CSTF3: variants seen among roughly 807,000 people sequenced by gnomAD.
CSTF3 encodes CF-1 77 kDa subunit.
CSTF3 carries 29 observed loss-of-function variants against 105.8 expected under a neutral mutation model. The ratio of observed to expected loss-of-function variants is 0.27; its 90% CI spans 0.20 to 0.37. The LOEUF (loss-of-function observed/expected upper bound fraction) is 0.37. Ranked by LOEUF, CSTF3 falls within the 10% of genes least tolerant of loss-of-function variation. The probability of loss-of-function intolerance (pLI) is 1.00; values close to 1 mark genes in which losing one functional copy is unlikely to be tolerated. For synonymous variants in CSTF3, 252 were observed against 281.9 expected (o/e 0.89, Z 1.06); for missense variants, 357 against 879.3 (o/e 0.41, Z 7.51).
chr11:33,093,515 T>A (rs1253022556), intron 15 of CSTF3, among the ~76,000 whole-genome samples: 3 of 152,188 alleles, frequency 2.0e-5, no homozygotes, highest in African/African-American at 7.2e-5. Flanking sequence ...ACAAGCCACA[T>A]ATGGAATTTA....
intron 7 of CSTF3, 83 bp downstream of exon 7, chr11:33,105,800 G>A (rs893570308): frequency 1.3e-5 from 19 of 1,507,994 alleles, no homozygotes; most frequent in Admixed American, 4.2e-5. Flanking sequence ...ATGGAAAATA[G>A]TATGGAGATT....
intron 1 of CSTF3, among the ~76,000 whole-genome samples, chr11:33,145,602 G>C (rs774794416): frequency 2.8e-4 from 43 of 151,984 alleles, no homozygotes; most frequent in Middle Eastern, 6.8e-3. Flanking sequence ...CACTAGGTCA[G>C]GAGAACAGAA....
intron 1 of CSTF3, among the ~76,000 whole-genome samples, chr11:33,154,596 A>G (rs961174410): frequency 1.3e-5 from 2 of 148,400 alleles, no homozygotes; most frequent in Non-Finnish European, 3.0e-5. Flanking sequence ...TCCCGGGTTC[A>G]AGTGATTATC....
intron 17 of CSTF3, among the ~76,000 whole-genome samples, chr11:33,087,951 TC>T (rs1565000785): frequency 3.3e-5 from 5 of 152,080 alleles, no homozygotes; most frequent in African/African-American, 1.2e-4. Flanking sequence ...TCAGAGGAGC[TC>T]CTCTGCTCCA....
chr11:33,098,777 A>G lies in CSTF3; in HGVS notation c.1054-13T>C. 6.7e-7 allele frequency: 1 copy of G among 1,485,950 alleles called. No individual in the cohort carries two copies. Among genetic ancestry groups the G allele is most frequent in the Non-Finnish European group, 9.0e-7 (1 of 1,115,024 alleles). 92.0% of individuals were successfully genotyped at this position (1,485,950 alleles called of 1,614,324 possible). ...ACTTCATGCGACTCTAAGGTGGTAC[A>G]GAAGAAGTGAGTATCAACATATGGT... On this transcript the variant is annotated splice_polypyrimidine_tract_variant and intron_variant, in intron 12 of 20. Transcript: ENST00000323959.
intron 1 of CSTF3, among the ~76,000 whole-genome samples, chr11:33,161,079 C>G (rs1036787728): frequency 5.3e-5 from 8 of 152,038 alleles, no homozygotes; most frequent in African/African-American, 1.9e-4. Context: ...CCGCTATTGT[C>G]TAAATCAAGT....
At position 33,099,276 on chromosome 11, in the gene CSTF3, C is replaced by A; in HGVS notation, c.937-126G>T. On this transcript the variant is annotated intron_variant, in intron 11 of 20. Coordinates refer to ENST00000323959, the MANE Select transcript of CSTF3 (RefSeq NM_001326.3). The surrounding 1 kb of genome is among the most constrained non-coding windows in gnomAD (Gnocchi z 4.1). ...AAGAAAGCATACATGTATGTACACA[C>A]ATATATATGTATCCACACACACACA... The A allele has an allele frequency of 8.7e-7, 1 of 1,155,616 alleles. No homozygotes were observed. The highest frequency in any genetic ancestry group is 1.2e-6 in the Non-Finnish European group (1 of 830,512). The allele number at this position is 1,155,616 out of a possible 1,614,324, so 71.6% of individuals were successfully genotyped here.
chr11:33,107,890 T>C lies in CSTF3; in HGVS notation c.356+13A>G, dbSNP rs763817152. 22 of 1,516,934 alleles carry C rather than the reference T, an allele frequency of 1.5e-5. 1 individual carries two copies. In the African/African-American group the frequency reaches 1.9e-4, roughly 13 times the overall value. 94.0% of individuals were successfully genotyped at this position (1,516,934 alleles called of 1,614,324 possible). On this transcript the variant is annotated intron_variant, in intron 5 of 20. Coordinates refer to ENST00000323959, the MANE Select transcript of CSTF3 (RefSeq NM_001326.3). Reference sequence around the variant, plus strand: ...GAGATGACTTGCATTCTTAAGATCCTGGTTTCACTTACTTGTAACTTGGTA... The same window carrying C: ...GAGATGACTTGCATTCTTAAGATCCCGGTTTCACTTACTTGTAACTTGGTA...
intron 9 of CSTF3, among the ~76,000 whole-genome samples, chr11:33,102,882 G>A (rs1033433863): frequency 6.6e-6 from 1 of 152,052 alleles, no homozygotes; most frequent in African/African-American, 2.4e-5. Flanking sequence ...TATGTCTTCT[G>A]TTTCCATATT....
At chr11:33,137,452 T>C (rs1855666802) in intron 3 of CSTF3, among the ~76,000 whole-genome samples, 1 of 151,854 alleles carries the variant, frequency 6.6e-6, no homozygotes, top group Admixed American at 6.6e-5. Context: ...TGTTATAGAA[T>C]GGATAGGGAA....
intron 1 of CSTF3, among the ~76,000 whole-genome samples, chr11:33,143,716 TCCAG>T (rs1855742341): frequency 1.3e-5 from 2 of 152,076 alleles, no homozygotes; most frequent in African/African-American, 4.8e-5. Context: ...GCCACTGCAC[TCCAG>T]CCTGGGTGAC....
intron 3 of CSTF3, among the ~76,000 whole-genome samples, chr11:33,111,689 C>T (rs983363618): frequency 1.3e-5 from 2 of 152,030 alleles, no homozygotes; most frequent in Non-Finnish European, 2.9e-5. Context: ...TTTGCATACC[C>T]GTCCCCAACA....
intron 1 of CSTF3, among the ~76,000 whole-genome samples, chr11:33,152,418 C>T (rs1351205840): frequency 6.6e-6 from 1 of 152,120 alleles, no homozygotes; most frequent in African/African-American, 2.4e-5. Flanking sequence ...CGTGCACCAC[C>T]GCACCTGGCT....
chr11:33,118,497 G>T (rs749360105), intron 3 of CSTF3, among the ~76,000 whole-genome samples: 1 of 151,782 alleles, frequency 6.6e-6, no homozygotes, highest in African/African-American at 2.4e-5. Context: ...AATACAGCAG[G>T]GTATTTGCTT....
intron 3 of CSTF3, among the ~76,000 whole-genome samples, chr11:33,119,609 A>G (rs886100737): frequency 6.6e-6 from 1 of 151,836 alleles, no homozygotes; most frequent in African/African-American, 2.4e-5. Flanking sequence ...TTTTAGAAAT[A>G]GCCCATTTCC....
chr11:33,110,375 C>T (rs1475962114), intron 3 of CSTF3, among the ~76,000 whole-genome samples: 1 of 152,190 alleles, frequency 6.6e-6, no homozygotes, highest in Non-Finnish European at 1.5e-5. Flanking sequence ...GGGGTAAAGA[C>T]ATTTGAGGGG....
chr11:33,089,828 T>C (rs560262267), intron 17 of CSTF3, among the ~76,000 whole-genome samples: 138 of 152,356 alleles, frequency 9.1e-4, no homozygotes, highest in African/African-American at 3.2e-3. Flanking sequence ...TGAATTTCCA[T>C]CTTAGTCTTT....
chr11:33,119,195 A>G (rs1235555911), intron 3 of CSTF3, among the ~76,000 whole-genome samples: 2 of 151,848 alleles, frequency 1.3e-5, no homozygotes, highest in Admixed American at 1.3e-4. Context: ...CAATTGTATT[A>G]TCACTGGACA....
At chr11:33,087,496 A>T (rs1419006345) in intron 17 of CSTF3, among the ~76,000 whole-genome samples, 1 of 152,228 alleles carries the variant, frequency 6.6e-6, no homozygotes, top group Non-Finnish European at 1.5e-5. Context: ...AGATCTTCTG[A>T]CACCTCCCTT....
Sources: allele counts gnomAD v4.1 joint callset (sites outside exome capture counted in the v4.1 genomes callset), GRCh38; gene constraint gnomAD v4.1.1; non-coding constraint Gnocchi (gnomAD v3.1); transcripts MANE v1.5; gene names NCBI Gene and HGNC (gene_info 2026-07-23, HGNC 2026-07-21).